Variants in ANO2 observed in about 807,000 individuals in gnomAD.
ANO2 encodes anoctamin-2.
In ANO2, 101 loss-of-function variants were observed where a neutral mutation model predicts 124.2. The observed-to-expected ratio is 0.81, with a 90% confidence interval of 0.69 to 0.96. The LOEUF (loss-of-function observed/expected upper bound fraction) is 0.96. ANO2 is among the 40% of genes least tolerant of loss of function. The pLI is 0.00. For missense variants in ANO2, 1,293 were observed against 1,274.5 expected, an observed-to-expected ratio of 1.01 and a Z score of -0.22; for synonymous variants, 486 against 482.5, an observed-to-expected ratio of 1.01 and a Z score of -0.09.
intron 20 of ANO2, among the ~76,000 whole-genome samples, chr12:5,591,482 A>G (rs1405003182): frequency 6.6e-6 from 1 of 152,198 alleles, no homozygotes; most frequent in African/African-American, 2.4e-5. Flanking sequence ...ATGTGGGTTC[A>G]GTTCATGAAA....
chr12:5,762,964 G>T (rs772366241), intron 10 of ANO2, among the ~76,000 whole-genome samples: 22 of 151,852 alleles, frequency 1.4e-4, no homozygotes, highest in Non-Finnish European at 2.8e-4. Flanking sequence ...AAAGAGCTAA[G>T]GTTTTTCATA....
At chr12:5,728,375 A>C (rs944694188) in intron 14 of ANO2, among the ~76,000 whole-genome samples, 1 of 152,182 alleles carries the variant, frequency 6.6e-6, no homozygotes, top group East Asian at 1.9e-4. Flanking sequence ...CAGTCCAAAA[A>C]TAAAATCAAG....
upstream of ANO2, among the ~76,000 whole-genome samples, chr12:5,945,707 C>G (rs1470966003): frequency 6.6e-6 from 1 of 152,232 alleles, no homozygotes; most frequent in East Asian, 1.9e-4. Flanking sequence ...GGGGGCGAGC[C>G]CCTGGACGGC....
At position 5,635,348 on chromosome 12, in the gene ANO2, C is replaced by A; in HGVS notation, c.1621-1G>T. On this transcript the variant is annotated splice_acceptor_variant, in intron 15 of 24. Coordinates refer to ENST00000682330, the MANE Select transcript of ANO2 (RefSeq NM_001364791.2). LOFTEE classifies it high-confidence loss of function. This position sits in a 1 kb window ranked among gnomAD's most constrained non-coding sequence, Gnocchi z 5.2. Reference sequence around the variant, plus strand: ...AGACGATTGAGAATGTCAGGGCAATCTGTTTGGGAAAACAGAGAGAAGTAC... The same window carrying A: ...AGACGATTGAGAATGTCAGGGCAATATGTTTGGGAAAACAGAGAGAAGTAC... 6.4e-7 allele frequency: 1 copy of A among 1,556,996 alleles called. No homozygotes were observed.
chr12:5,725,516 T>C (rs745690029), intron 14 of ANO2, among the ~76,000 whole-genome samples: 2 of 152,208 alleles, frequency 1.3e-5, no homozygotes, highest in African/African-American at 4.8e-5. Context: ...CCAAAAACTA[T>C]ATTTCCTTGA....
chr12:5,763,455 C>G (rs2362471), intron 10 of ANO2, among the ~76,000 whole-genome samples: 26,082 of 151,862 alleles, frequency 0.17, 2,322 homozygotes, highest in Middle Eastern at 0.23. Context: ...CTTAATTTGT[C>G]TCCTGTTACC....
At chr12:5,597,633 T>C (rs901360296) in intron 20 of ANO2, among the ~76,000 whole-genome samples, 1 of 152,194 alleles carries the variant, frequency 6.6e-6, no homozygotes, top group South Asian at 2.1e-4. Flanking sequence ...TTGACAAGCA[T>C]GTGAAACCCA....
Position 5,563,356 on chromosome 12 carries a change from T to G in ANO2, c.2940A>C (p.Ser980=), listed in dbSNP as rs751233240. ...TCATGCTGCCCAGCTGGCTTTGGCC[T>G]GAAGGTGCTGAGCTGGCTGCCCGGC... The part of the protein sequence containing the change: ...SRSRAASSAP[S]GQSQLGSMMS... Residue 980 remains serine, a synonymous_variant, in exon 25 of 25, where the codon TCA becomes TCC. Transcript: ENST00000682330. The G allele has an allele frequency of 6.5e-5, 105 of 1,604,970 alleles. No individual in the cohort carries two copies. The highest frequency in any genetic ancestry group is 2.5e-4 in the Admixed American group (15 of 59,052).
At chr12:5,640,708 T>TA (rs565440630) in intron 15 of ANO2, among the ~76,000 whole-genome samples, 231 of 152,188 alleles carry the variant, frequency 1.5e-3, no homozygotes, top group Admixed American at 2.7e-3. Context: ...TGGCAATCAT[T>TA]AAAAGTCAGG....
chr12:5,610,723 C>CATATATACAT (rs1555100504), intron 19 of ANO2, among the ~76,000 whole-genome samples: 39 of 116,872 alleles, frequency 3.3e-4, no homozygotes, highest in East Asian at 1.2e-3. Flanking sequence ...CACATATATA[C>CATATATACAT]ATATATATAT....
chr12:5,923,011 T>TACACACACGC (rs1307965336), intron 1 of ANO2, among the ~76,000 whole-genome samples: 1 of 140,130 alleles, frequency 7.1e-6, no homozygotes, highest in African/African-American at 2.6e-5. Flanking sequence ...CCCGACTGCA[T>TACACACACGC]ACACACACGC....
chr12:5,912,716 C>A (rs867624966), intron 3 of ANO2, among the ~76,000 whole-genome samples: 24 of 152,144 alleles, frequency 1.6e-4, no homozygotes, highest in African/African-American at 5.5e-4. Flanking sequence ...AAAGATCCCT[C>A]GGGGTAGGAA....
At position 5,888,292 on chromosome 12, in the gene ANO2, G is replaced by A. The variant is rs545005871; in HGVS notation, c.534+32748C>T. 1.2e-4 allele frequency among the ~76,000 whole-genome samples: 19 copies of A among 152,248 alleles called. No homozygotes were observed. The East Asian group carries it at 3.3e-3, about 26-fold the overall frequency. Reference sequence around the variant, plus strand: ...CAGGAGTGAAGCTGCAGACCTTCGCGGTGAGCGTTACAGCTCATAAAAACA... The same window carrying A: ...CAGGAGTGAAGCTGCAGACCTTCGCAGTGAGCGTTACAGCTCATAAAAACA... On this transcript the variant is annotated intron_variant, in intron 3 of 24. Transcript: ENST00000682330.
intron 10 of ANO2, among the ~76,000 whole-genome samples, chr12:5,796,597 G>A (rs1359909060): frequency 6.6e-6 from 1 of 152,138 alleles, no homozygotes; most frequent in African/African-American, 2.4e-5. Flanking sequence ...GCAGGCCCCA[G>A]GTCTCCAGAG....
intron 23 of ANO2, among the ~76,000 whole-genome samples, chr12:5,572,072 A>G (rs1942159803): frequency 1.3e-5 from 2 of 152,194 alleles, no homozygotes; most frequent in Admixed American, 1.3e-4. Flanking sequence ...GTAGGCAGAG[A>G]TGTAACACCA....
chr12:5,722,909 T>C (rs1447624512), intron 14 of ANO2, among the ~76,000 whole-genome samples: 1 of 152,190 alleles, frequency 6.6e-6, no homozygotes, highest in Non-Finnish European at 1.5e-5. Flanking sequence ...TTTGTCAGAA[T>C]TTTTCTGAAG....
rs1430729052 is a variant in ANO2 at position 5,658,575 on chromosome 12, T to TGTCACCAATATCATCATC, written c.1546-10775_1546-10774insGATGATGATATTGGTGAC. 6.6e-6 allele frequency among the ~76,000 whole-genome samples: 1 copy of TGTCACCAATATCATCATC among 152,114 alleles called. No individual in the cohort carries two copies. The highest frequency in any genetic ancestry group is 1.5e-5 in the Non-Finnish European group (1 of 68,040). On this transcript the variant is annotated intron_variant, in intron 14 of 24. Transcript: ENST00000682330. The surrounding 1 kb of genome is among the most constrained non-coding windows in gnomAD (Gnocchi z 4.3). Reference sequence around the variant, plus strand: ...TAATCACCAACATCAATATTATCATTGTCATCAATATCATCATCATCATCA... The same window carrying TGTCACCAATATCATCATC: ...TAATCACCAACATCAATATTATCATTGTCACCAATATCATCATCGTCATCAATATCATCATCATCATCA...
chr12:5,698,312 C>T (rs545542450), intron 14 of ANO2, among the ~76,000 whole-genome samples: 6 of 152,336 alleles, frequency 3.9e-5, no homozygotes, highest in South Asian at 2.1e-4. Context: ...CTGCAGGCTC[C>T]GCTGGTGATA....
intron 14 of ANO2, among the ~76,000 whole-genome samples, chr12:5,687,450 C>T (rs541390766): frequency 6.6e-6 from 1 of 152,218 alleles, no homozygotes; most frequent in African/African-American, 2.4e-5. Context: ...GATATACTTC[C>T]AACGAAGCAT....
Sources: allele counts gnomAD v4.1 joint callset (sites outside exome capture counted in the v4.1 genomes callset), GRCh38; gene constraint gnomAD v4.1.1; non-coding constraint Gnocchi (gnomAD v3.1); transcripts MANE v1.5; gene names NCBI Gene and HGNC (gene_info 2026-07-23, HGNC 2026-07-21).